The following CDC23 variants were observed in gnomAD, a reference collection of about 807,000 sequenced individuals.
The protein encoded by CDC23 is cell division cycle 23.
In CDC23, 26 loss-of-function variants were observed where a neutral mutation model predicts 81.7. That is an observed-to-expected ratio of 0.32 (90% CI 0.23 to 0.44). The LOEUF (loss-of-function observed/expected upper bound fraction) is 0.44. CDC23 is among the 20% of genes least tolerant of loss of function. The probability of loss-of-function intolerance (pLI) is 1.00; values close to 1 mark genes in which losing one functional copy is unlikely to be tolerated. For missense variants in CDC23, 519 were observed against 728.0 expected (o/e 0.71, Z 3.30); for synonymous variants, 267 against 270.8 (o/e 0.99, Z 0.14).
At chr5:138,208,702 A>AT (rs1200739639) in intron 2 of CDC23, among the ~76,000 whole-genome samples, 2 of 152,122 alleles carry the variant, frequency 1.3e-5, no homozygotes, top group African/African-American at 4.8e-5. Context: ...ATAATCTTAA[A>AT]TTTTTCTGTT....
intron 9 of CDC23, among the ~76,000 whole-genome samples, chr5:138,193,724 T>A (rs1267980201): frequency 6.6e-6 from 1 of 151,236 alleles, no homozygotes; most frequent in Non-Finnish European, 1.5e-5. Context: ...TTTGGGAGGC[T>A]AAGGCGGGCG....
intron 4 of CDC23, 51 bp from the exon 5 acceptor site, chr5:138,201,499 T>C (rs1196064080): frequency 5.7e-6 from 7 of 1,228,196 alleles, no homozygotes; most frequent in Non-Finnish European, 6.9e-6. Flanking sequence ...TGGTTTTCAT[T>C]TTCTTATTTT....
intron 9 of CDC23, among the ~76,000 whole-genome samples, chr5:138,195,812 C>CATATATTTTATATATGTGTAT (rs1754898103): frequency 8.3e-6 from 1 of 120,844 alleles, no homozygotes; most frequent in African/African-American, 3.1e-5. Context: ...TATATATATA[C>CATATATTTTATATATGTGTAT]ATATATATAA....
Position 138,198,244 on chromosome 5 carries a change from G to A in CDC23, c.967C>T (p.Leu323Phe). 6.2e-7 allele frequency: 1 copy of A among 1,613,808 alleles called. No homozygotes were observed. The highest frequency in any genetic ancestry group is 8.5e-7 in the Non-Finnish European group (1 of 1,179,772). The change falls in exon 9 of 16, where the codon CTC becomes TTC. Residue 323 changes from leucine (L) to phenylalanine (F), a missense_variant. Around this residue, in one of 4 missense-constraint regions of CDC23, gnomAD observed 175 missense variants for 337.8 expected, o/e 0.52. Transcript: ENST00000394886. Reference protein sequence around the residue: ...KSELSYLAHNLCEIDKYRVET... With the variant: ...KSELSYLAHNFCEIDKYRVET... ...ACACGATATTTATCAATCTCACAGA[G>A]GTTATGAGCCAGATAACTCAACTCC...
chr5:138,212,315 T>C lies in CDC23; in HGVS notation c.234+676A>G, dbSNP rs533466866. On this transcript the variant is annotated intron_variant, in intron 2 of 15. Transcript: ENST00000394886. ...ACAACAGTGTAGGTATTGTAAAAAC[T>C]TTATTTATTTATTATTTATTTTGAG... is the stretch of plus-strand genomic sequence containing the variant. 3.9e-5 allele frequency among the ~76,000 whole-genome samples: 6 copies of C among 152,272 alleles called. No individual in the cohort carries two copies. In the East Asian group the frequency reaches 9.6e-4, roughly 24 times the overall value.
chr5:138,205,869 A>G (rs1755042710), intron 3 of CDC23: 2 of 152,208 alleles, frequency 1.3e-5, no homozygotes, highest in African/African-American at 4.8e-5. Flanking sequence ...TCAAAGCACC[A>G]ATGACACTCA....
Position 138,212,987 on chromosome 5 carries a change from T to C in CDC23, c.234+4A>G. The C allele has an allele frequency of 1.2e-6, 2 of 1,613,490 alleles. No individual in the cohort carries two copies. The highest frequency in any genetic ancestry group is 1.7e-6 in the Non-Finnish European group (2 of 1,179,514). On this transcript the variant is annotated splice_donor_region_variant and intron_variant, in intron 2 of 15. Coordinates refer to ENST00000394886, the MANE Select transcript of CDC23 (RefSeq NM_004661.4). Reference sequence around the variant, plus strand: ...GGGAGCGCTCACTGTAAACATGTCCTTACCTCTGTAATAGGCGGAGGCGGT... The same window carrying C: ...GGGAGCGCTCACTGTAAACATGTCCCTACCTCTGTAATAGGCGGAGGCGGT...
intron 2 of CDC23, among the ~76,000 whole-genome samples, chr5:138,208,449 T>A (rs1241283525): frequency 1.3e-5 from 2 of 152,142 alleles, no homozygotes; most frequent in African/African-American, 4.8e-5. Context: ...TCACCACTTG[T>A]TTATTTCTTT....
intron 3 of CDC23, among the ~76,000 whole-genome samples, chr5:138,204,447 G>A (rs1480328334): frequency 2.0e-5 from 3 of 150,340 alleles, no homozygotes; most frequent in African/African-American, 4.9e-5. Flanking sequence ...AGAGGTTGCA[G>A]TGAGTTGAGA....
chr5:138,193,689 T>C (rs1422428109), intron 9 of CDC23, among the ~76,000 whole-genome samples: 1 of 150,242 alleles, frequency 6.7e-6, no homozygotes, highest in Non-Finnish European at 1.5e-5. Context: ...CCAGGAGTGG[T>C]GGATCACGCC....
At position 138,192,392 on chromosome 5, in the gene CDC23, A is replaced by C. The variant is rs1346425465; in HGVS notation, c.1167-4T>G. 2 of 1,614,222 alleles carry C rather than the reference A, an allele frequency of 1.2e-6. No individual in the cohort carries two copies. The highest frequency in any genetic ancestry group is 2.2e-5 in the East Asian group (1 of 44,890). On this transcript the variant is annotated splice_region_variant and splice_polypyrimidine_tract_variant and intron_variant, in intron 10 of 15. Transcript: ENST00000394886. The stretch of plus-strand genomic sequence containing the variant: ...TTTGTTGACCTCAATGGCATGTCTA[A>C]GAAATGGAAAAGACAGGTTGTTAAG...
intron 2 of CDC23, among the ~76,000 whole-genome samples, chr5:138,211,366 T>A (rs1239189369): frequency 6.6e-6 from 1 of 150,562 alleles, no homozygotes; most frequent in Non-Finnish European, 1.5e-5. Context: ...ACTCCAAGAG[T>A]GGGGAAGGAG....
Position 138,198,693 on chromosome 5 carries a change from C to T in CDC23, c.744G>A (p.Leu248=). ...CATCAATGAGATTCTGATACTTTTG[C>T]AGGGCCTCCTCTATCAACTGCAACT... ...YTELQLIEEA[L]QKYQNLIDVG... Residue 248 remains leucine (L), a synonymous_variant, in exon 7 of 16, where the codon CTG becomes CTA. Transcript: ENST00000394886. 6.2e-7 allele frequency: 1 copy of T among 1,614,084 alleles called. No homozygotes were observed. The highest frequency in any genetic ancestry group is 8.5e-7 in the Non-Finnish European group (1 of 1,180,002).
intron 10 of CDC23, 52 bp from the exon 11 acceptor site, chr5:138,192,440 C>A (rs746089941): frequency 1.9e-6 from 3 of 1,613,746 alleles, no homozygotes. Context: ...AGGTTGGCAA[C>A]TTGCAGGCTT....
At chr5:138,197,953 GGTTT>G (rs569032125) in intron 9 of CDC23, among the ~76,000 whole-genome samples, 143 of 152,120 alleles carry the variant, frequency 9.4e-4, no homozygotes, top group Middle Eastern at 6.8e-3. Context: ...TTTGCTTGTT[GGTTT>G]GTTTGTTTGT....
intron 2 of CDC23, among the ~76,000 whole-genome samples, chr5:138,211,627 T>G (rs1277706968): frequency 6.7e-6 from 1 of 149,268 alleles, no homozygotes; most frequent in African/African-American, 2.5e-5. Flanking sequence ...GCCATTGCAC[T>G]CCAGCCTGGG....
At chr5:138,205,146 T>C (rs1463337049) in intron 3 of CDC23, among the ~76,000 whole-genome samples, 1 of 152,162 alleles carries the variant, frequency 6.6e-6, no homozygotes, top group African/African-American at 2.4e-5. Flanking sequence ...ATATTTTATA[T>C]ATTTGCCTTA....
At chr5:138,211,913 A>T (rs1755117408) in intron 2 of CDC23, among the ~76,000 whole-genome samples, 1 of 152,208 alleles carries the variant, frequency 6.6e-6, no homozygotes, top group African/African-American at 2.4e-5. Context: ...TATAAACTGC[A>T]TTGACTCAAA....
At position 138,206,557 on chromosome 5, in the gene CDC23, G is replaced by T; in HGVS notation, c.362C>A (p.Ser121Tyr). 1 of 1,614,006 alleles carries T rather than the reference G, an allele frequency of 6.2e-7. No individual in the cohort carries two copies. Among genetic ancestry groups the T allele is most frequent in the Non-Finnish European group, 8.5e-7 (1 of 1,179,952 alleles). Residue 121 changes from serine to tyrosine, a missense_variant, in exon 3 of 16, where the codon TCC becomes TAC. Coordinates refer to ENST00000394886, the MANE Select transcript of CDC23 (RefSeq NM_004661.4). The stretch of plus-strand genomic sequence containing the variant: ...TAAAATGGCCCTCACCAGATATCTG[G>T]AATACATATACAGAAAATAGGCTTT... ...SKKAYFLYMYSRYLSGEKKKD... is the reference protein window; with the variant it reads ...SKKAYFLYMYYRYLSGEKKKD...
Sources: gnomAD v4.1 joint callset for allele counts (sites outside exome capture counted in the v4.1 genomes callset) on GRCh38, gnomAD v4.1.1 for gene constraint, gnomAD v4.1.1 regional missense constraint, MANE v1.5 for transcripts, NCBI Gene and HGNC (gene_info 2026-07-23, HGNC 2026-07-21) for gene names.